Variants in SLC25A14 observed in about 807,000 individuals in gnomAD.
The protein encoded by SLC25A14 is solute carrier family 25 member 14.
In SLC25A14, 8 loss-of-function variants were observed where a neutral mutation model predicts 28.1. The observed-to-expected ratio is 0.28, with a 90% CI of 0.17 to 0.51. The LOEUF (loss-of-function observed/expected upper bound fraction) is 0.51. Ranked by LOEUF, SLC25A14 falls within the 20% of genes least tolerant of loss-of-function variation. The probability of loss-of-function intolerance (pLI) is 0.97; values close to 1 mark genes in which losing one functional copy is unlikely to be tolerated. For synonymous variants in SLC25A14, 74 were observed against 90.6 expected (o/e 0.82, Z 1.04); for missense variants, 135 against 263.8 (o/e 0.51, Z 3.38).
intron 9 of SLC25A14, among the ~76,000 whole-genome samples, chrX:130,366,971 T>C (rs1407142512): frequency 8.9e-6 from 1 of 112,519 alleles, no homozygotes; most frequent in Non-Finnish European, 1.9e-5. Flanking sequence ...CCTGGAGCCA[T>C]GGTTCTTCAA....
intron 10 of SLC25A14, among the ~76,000 whole-genome samples, 198 bp from the exon 11 acceptor site, chrX:130,372,711 C>T (rs7057748): frequency 0.4 from 44,118 of 109,672 alleles, 6,533 homozygotes; most frequent in Non-Finnish European, 0.44. Context: ...ATCCACCCAC[C>T]TCGGCCTCTC....
intron 2 of SLC25A14, among the ~76,000 whole-genome samples, chrX:130,343,897 G>A (rs1369101583): frequency 8.9e-6 from 1 of 111,925 alleles, no homozygotes; most frequent in Non-Finnish European, 1.9e-5. Context: ...AGAAAGTGGA[G>A]GCATAGAGAG....
intron 3 of SLC25A14, among the ~76,000 whole-genome samples, chrX:130,345,580 T>C (rs748703018): frequency 3.6e-5 from 4 of 111,976 alleles, no homozygotes; most frequent in Non-Finnish European, 5.7e-5. Flanking sequence ...TATATTTCTG[T>C]ATTAATAGTC....
chrX:130,356,148 A>G (rs747069801), intron 6 of SLC25A14, among the ~76,000 whole-genome samples: 2 of 110,408 alleles, frequency 1.8e-5, no homozygotes, highest in Non-Finnish European at 3.8e-5. Context: ...TTAAGGTCGC[A>G]AAGTGGTGAT....
intron 1 of SLC25A14, 47 bp downstream of exon 1, chrX:130,340,023 C>A: frequency 1.0e-6 from 1 of 979,208 alleles, no homozygotes; most frequent in Non-Finnish European, 1.3e-6. Flanking sequence ...GGGGCTGGGC[C>A]GCGCCAGGCC....
At chrX:130,365,288 T>G (rs2034086675) in intron 8 of SLC25A14, 25 of 927,939 alleles carry the variant, frequency 2.7e-5, no homozygotes, top group Non-Finnish European at 3.3e-5. Flanking sequence ...ACTTTCTACT[T>G]AGGAATCTTG....
chrX:130,353,220 G>T (rs1220379584), intron 6 of SLC25A14, among the ~76,000 whole-genome samples: 1 of 111,647 alleles, frequency 9.0e-6, no homozygotes, highest in East Asian at 2.8e-4. Flanking sequence ...TTTATGAAGA[G>T]AATTTAATTG....
At chrX:130,370,017 T>C (rs958737788) in intron 9 of SLC25A14, among the ~76,000 whole-genome samples, 1 of 111,684 alleles carries the variant, frequency 9.0e-6, no homozygotes, top group Non-Finnish European at 1.9e-5. Context: ...GATTATGAGA[T>C]TGGATGGTCT....
In SLC25A14 at chrX:130,353,803, T is replaced by G. The variant is rs73634086; in HGVS notation, c.498+3072T>G. Among the ~76,000 whole-genome samples the G allele has an allele frequency of 7.3e-3, 816 of 112,260 alleles. 12 individuals carry two copies. The highest frequency in any genetic ancestry group is 0.025 in the African/African-American group (775 of 30,905). Reference sequence around the variant, plus strand: ...AACCTGCTGTAATCACTCCTGCTACTTGATTGAAATCACTCTCCACAGGGT... The same window carrying G: ...AACCTGCTGTAATCACTCCTGCTACGTGATTGAAATCACTCTCCACAGGGT... On this transcript the variant is annotated intron_variant, in intron 6 of 10. Coordinates refer to ENST00000545805, the MANE Select transcript of SLC25A14 (RefSeq NM_001282195.2).
At chrX:130,358,327 T>C (rs1172534425) in intron 6 of SLC25A14, among the ~76,000 whole-genome samples, 1 of 111,864 alleles carries the variant, frequency 8.9e-6, no homozygotes, top group Non-Finnish European at 1.9e-5. Flanking sequence ...ACTAAATGAG[T>C]CATTTTTTAG....
intron 7 of SLC25A14, chrX:130,359,223 CAT>C: frequency 3.4e-6 from 1 of 296,548 alleles, no homozygotes; most frequent in Non-Finnish European, 6.5e-6. Context: ...CATGGTGGTG[CAT>C]GGCTGTAGTC....
chrX:130,356,552 T>C (rs1427570234), intron 6 of SLC25A14, among the ~76,000 whole-genome samples: 2 of 110,923 alleles, frequency 1.8e-5, no homozygotes, highest in Non-Finnish European at 3.8e-5. Flanking sequence ...TCTCATTTAG[T>C]GGGGCTGTTT....
chrX:130,353,518 T>A (rs2033684724), intron 6 of SLC25A14, among the ~76,000 whole-genome samples: 1 of 112,062 alleles, frequency 8.9e-6, no homozygotes. Context: ...TTTTGATACA[T>A]GCTCAAGTTT....
rs770636091 is a variant in SLC25A14 at position 130,364,724 on chromosome X, A to G, written c.691A>G (p.Met231Val). ...GAAGCATTTAATATTGTCAGGAATG[A>G]TGGGCGATACAATTTTAACTCACTT... is the stretch of plus-strand genomic sequence containing the variant. ...TKKHLILSGM[M>V]GDTILTHFVS... Residue 231 changes from methionine (M) to valine (V), a missense_variant, in exon 8 of 11, where the codon ATG (methionine) becomes GTG (valine). Met to Val is a conservative substitution (Grantham distance 21). Transcript: ENST00000545805. 1.7e-5 allele frequency: 20 copies of G among 1,203,277 alleles called. No individual in the cohort carries two copies. Among genetic ancestry groups the G allele is most frequent in the Non-Finnish European group, 2.1e-5 (19 of 888,632 alleles).
chrX:130,359,534 C>CT, intron 7 of SLC25A14, among the ~76,000 whole-genome samples: 1 of 109,747 alleles, frequency 9.1e-6, no homozygotes, highest in East Asian at 2.8e-4. Flanking sequence ...GTCATATTAT[C>CT]TTTCAGTCTT....
In SLC25A14 at chrX:130,350,751, A is replaced by G. The variant is rs1186008594; in HGVS notation, c.498+20A>G. 7 of 992,205 alleles carry G rather than the reference A, an allele frequency of 7.1e-6. No homozygotes were observed. In the South Asian group the frequency reaches 1.5e-4, roughly 22 times the overall value. The allele number at this position is 992,205 out of a possible 1,213,427, so 81.8% of individuals were successfully genotyped here. On this transcript the variant is annotated intron_variant, in intron 6 of 10. Transcript: ENST00000545805. ...CTAAAGGTAAGAGAGATACAGTGTG[A>G]TTTGAAAGGAGCATAACTTTGAGTC...
chrX:130,354,716 C>T (rs1484379090), intron 6 of SLC25A14, among the ~76,000 whole-genome samples: 15 of 111,745 alleles, frequency 1.3e-4, no homozygotes, highest in Non-Finnish European at 3.8e-5. Flanking sequence ...GGAACACAGC[C>T]ACCCCATTTT....
intron 4 of SLC25A14, among the ~76,000 whole-genome samples, chrX:130,348,303 A>G (rs915472206): frequency 9.1e-6 from 1 of 110,290 alleles, no homozygotes; most frequent in Non-Finnish European, 1.9e-5. Flanking sequence ...TTACCATCAT[A>G]TTGCGGGTTA....
intron 10 of SLC25A14, among the ~76,000 whole-genome samples, chrX:130,372,621 C>G (rs1603268238): frequency 9.2e-6 from 1 of 109,153 alleles, no homozygotes; most frequent in Non-Finnish European, 1.9e-5. Flanking sequence ...CGCCACCACA[C>G]CCGGCTAATT....
Sources: allele counts gnomAD v4.1 joint callset (sites outside exome capture counted in the v4.1 genomes callset), GRCh38; gene constraint gnomAD v4.1.1; transcripts MANE v1.5; gene names NCBI Gene and HGNC (gene_info 2026-07-23, HGNC 2026-07-21).